The following RPS6KA2 variants were observed in gnomAD, a reference collection of about 807,000 sequenced individuals.
RPS6KA2 encodes ribosomal protein S6 kinase A2.
RPS6KA2 carries 42 observed loss-of-function variants against 91.8 expected under a neutral mutation model. The observed-to-expected ratio is 0.46, with a 90% CI of 0.36 to 0.59. The LOEUF (loss-of-function observed/expected upper bound fraction) is 0.59. Among genes scored for constraint, RPS6KA2 ranks in the 20% least tolerant of loss-of-function variants. The probability of loss-of-function intolerance (pLI) is 0.00; values close to 1 mark genes in which losing one functional copy is unlikely to be tolerated. For missense variants in RPS6KA2, 798 were observed against 978.5 expected (o/e 0.82, Z 2.46); for synonymous variants, 414 against 393.6 (o/e 1.05, Z -0.61).
At chr6:166,579,079 A>C (rs1784927477) in intron 1 of RPS6KA2, among the ~76,000 whole-genome samples, 1 of 152,202 alleles carries the variant, frequency 6.6e-6, no homozygotes, top group Non-Finnish European at 1.5e-5. Flanking sequence ...CATGAAAAAC[A>C]AGCCGGAATG....
At chr6:166,526,278 T>C (rs180765596) in intron 3 of RPS6KA2, among the ~76,000 whole-genome samples, 43 of 151,946 alleles carry the variant, frequency 2.8e-4, no homozygotes, top group South Asian at 1.0e-3. Flanking sequence ...TGATTAGTTT[T>C]AAAGCTGACT....
At position 166,763,743 on chromosome 6, in the gene RPS6KA2, C is replaced by T. The variant is rs181925617; in HGVS notation, c.123+94457G>A. Among the ~76,000 whole-genome samples, 10 of 152,286 alleles carry T rather than the reference C, an allele frequency of 6.6e-5. No individual in the cohort carries two copies. The East Asian group carries it at 1.7e-3, about 26-fold the overall frequency. ...AGTAGTGAGGCACCACACGGATGAA[C>T]GGCGACGACCTTGTTAGTTCGCTGT... On this transcript the variant is annotated intron_variant, in intron 2 of 21. Coordinates refer to the RPS6KA2 transcript ENST00000503859.
At chr6:166,802,086 T>C (rs1293617013) in intron 2 of RPS6KA2, among the ~76,000 whole-genome samples, 1 of 151,738 alleles carries the variant, frequency 6.6e-6, no homozygotes, top group Non-Finnish European at 1.5e-5. Context: ...TGAAACCCCA[T>C]CTCTACTAAA....
In RPS6KA2 at chr6:166,691,941, C is replaced by A. The variant is rs573789830; in HGVS notation, c.124-153157G>T. Among the ~76,000 whole-genome samples, 5 of 152,320 alleles carry A rather than the reference C, an allele frequency of 3.3e-5. No homozygotes were observed. The East Asian group carries it at 9.7e-4, about 29-fold the overall frequency. The stretch of plus-strand genomic sequence containing the variant: ...CACGTGAGGCCGGGAGGAAGCCACA[C>A]AGGCCACAGGCTCCTGGGCAGCTAT... On this transcript the variant is annotated intron_variant, in intron 2 of 21. Transcript: ENST00000503859.
chr6:166,583,320 G>T (rs189384253), intron 1 of RPS6KA2, among the ~76,000 whole-genome samples: 7 of 152,276 alleles, frequency 4.6e-5, no homozygotes, highest in African/African-American at 1.4e-4. Context: ...CAGAGATCAC[G>T]GCCTTCTTGG....
At chr6:166,592,347 G>T (rs919356710) in intron 1 of RPS6KA2, among the ~76,000 whole-genome samples, 1 of 152,186 alleles carries the variant, frequency 6.6e-6, no homozygotes, top group African/African-American at 2.4e-5. Context: ...GCTGTGAGGG[G>T]CTGACAAGCC....
chr6:166,802,942 GTGTATATA>G (rs1296643589), intron 2 of RPS6KA2, among the ~76,000 whole-genome samples: 1 of 116,076 alleles, frequency 8.6e-6, no homozygotes, highest in African/African-American at 3.3e-5. Flanking sequence ...ATGTGTGTGT[GTGTATATA>G]TATATATATA....
Position 166,432,490 on chromosome 6 carries a change from T to C in RPS6KA2, c.1333A>G (p.Ile445Val). The C allele has an allele frequency of 2.5e-6, 4 of 1,605,656 alleles. No individual in the cohort carries two copies. Among genetic ancestry groups the C allele is most frequent in the Non-Finnish European group, 3.4e-6 (4 of 1,172,522 alleles). Residue 445 changes from isoleucine (I) to valine (V), a missense_variant and splice_region_variant, in exon 15 of 21, where the codon ATC becomes GTC. Ile to Val is a conservative substitution (Grantham distance 29, BLOSUM62 3). Transcript: ENST00000265678. ...KATDTEYAVK[I>V]IDKSKRDPSE... ...GGGTCTCTCTTGCTCTTATCAATGA[T>C]CTGGAACAAACACAGCACATGGCAG...
chr6:166,601,533 T>C (rs1262363325), intron 1 of RPS6KA2, among the ~76,000 whole-genome samples: 1 of 152,206 alleles, frequency 6.6e-6, no homozygotes, highest in Non-Finnish European at 1.5e-5. Context: ...AAACTGATGG[T>C]TAATAGGACA....
At chr6:166,659,793 C>T (rs1219422074) in intron 2 of RPS6KA2, among the ~76,000 whole-genome samples, 1 of 152,210 alleles carries the variant, frequency 6.6e-6, no homozygotes, top group Non-Finnish European at 1.5e-5. Context: ...GCACCGACTG[C>T]GGGATGGGGG....
Position 166,771,544 on chromosome 6 carries a change from A to G in RPS6KA2, c.123+86656T>C, listed in dbSNP as rs527654267. ...ACTGCTGAGAGCAGAGACAACGGCT[A>G]CCCTTACTGCGGCACGTTCAGTGAT... On this transcript the variant is annotated intron_variant, in intron 2 of 21. Transcript: ENST00000503859. 3.3e-5 allele frequency among the ~76,000 whole-genome samples: 5 copies of G among 152,222 alleles called. No homozygotes were observed. In the East Asian group the frequency reaches 9.7e-4, roughly 29 times the overall value.
chr6:166,546,730 C>T (rs115175096), intron 1 of RPS6KA2, among the ~76,000 whole-genome samples: 241 of 152,266 alleles, frequency 1.6e-3, no homozygotes, highest in African/African-American at 5.6e-3. Flanking sequence ...ACTCAATTAT[C>T]GATGTGTCCA....
chr6:166,696,133 G>C (rs1263971559), intron 2 of RPS6KA2, among the ~76,000 whole-genome samples: 1 of 152,192 alleles, frequency 6.6e-6, no homozygotes, highest in Non-Finnish European at 1.5e-5. Flanking sequence ...AGGCTGCACA[G>C]CAACTGACTC....
intron 3 of RPS6KA2, among the ~76,000 whole-genome samples, chr6:166,510,896 C>G (rs1428033936): frequency 1.3e-5 from 2 of 151,934 alleles, no homozygotes; most frequent in Non-Finnish European, 2.9e-5. Flanking sequence ...TTTCCCTCGC[C>G]CTGTATTTTT....
At chr6:166,429,926 C>T (rs1414004262) in intron 16 of RPS6KA2, among the ~76,000 whole-genome samples, 3 of 151,380 alleles carry the variant, frequency 2.0e-5, no homozygotes, top group African/African-American at 4.9e-5. Context: ...CACCGAAGAA[C>T]TAAGATGGGC....
At chr6:166,622,463 C>CATA (rs1024886326) in intron 1 of RPS6KA2, among the ~76,000 whole-genome samples, 1 of 151,764 alleles carries the variant, frequency 6.6e-6, no homozygotes, top group Admixed American at 6.6e-5. Context: ...TTAAGATAAA[C>CATA]ATAATTTCTT....
Position 166,683,013 on chromosome 6 carries a change from C to T in RPS6KA2, c.124-144229G>A, listed in dbSNP as rs184785251. Among the ~76,000 whole-genome samples the T allele has an allele frequency of 3.9e-5, 6 of 152,304 alleles. No individual in the cohort carries two copies. The East Asian group carries it at 1.2e-3, about 29-fold the overall frequency. On this transcript the variant is annotated intron_variant, in intron 2 of 21. Transcript: ENST00000503859. ...ATGCAACGAGAAACTAGGGGAAGGC[C>T]TACCAGCTGATGGACGTCAGATGGG...
In RPS6KA2 at chr6:166,459,302, A is replaced by G. The variant is rs1780197313; in HGVS notation, c.1075+147T>C. On this transcript the variant is annotated intron_variant, in intron 12 of 20. Coordinates refer to ENST00000265678, the MANE Select transcript of RPS6KA2 (RefSeq NM_021135.6). The surrounding 1 kb of genome is among the most constrained non-coding windows in gnomAD (Gnocchi z 4.9). Reference sequence around the variant, plus strand: ...TTAAACCTTTATCACTGAGCAGAGAAAACAACAACAAAAAACCCAAACAGA... The same window carrying G: ...TTAAACCTTTATCACTGAGCAGAGAGAACAACAACAAAAAACCCAAACAGA... 3.3e-6 allele frequency: 2 copies of G among 600,512 alleles called. No individual in the cohort carries two copies. The highest frequency in any genetic ancestry group is 1.9e-5 in the African/African-American group (1 of 54,010). 37.2% of individuals were successfully genotyped at this position (600,512 alleles called of 1,614,324 possible). A position where few individuals can be genotyped will look rare whatever the true frequency, so the allele number is the denominator to read the frequency against.
At chr6:166,555,264 G>A (rs1784144131) in intron 1 of RPS6KA2, among the ~76,000 whole-genome samples, 1 of 152,174 alleles carries the variant, frequency 6.6e-6, no homozygotes, top group Admixed American at 6.5e-5. Context: ...GCCGCACTCT[G>A]GCCCACTTCC....
Sources: allele counts gnomAD v4.1 joint callset (sites outside exome capture counted in the v4.1 genomes callset), GRCh38; gene constraint gnomAD v4.1.1; non-coding constraint Gnocchi (gnomAD v3.1); transcripts MANE v1.5; gene names NCBI Gene and HGNC (gene_info 2026-07-23, HGNC 2026-07-21).